Variants in TOM1L1 observed in about 807,000 individuals in gnomAD.
TOM1L1 encodes the protein TOM1-like protein 1.
Under a neutral mutation model 63.4 loss-of-function variants are expected in TOM1L1, and 64 were observed. The observed-to-expected ratio is 1.01, with a 90% CI of 0.83 to 1.24. The LOEUF is 1.24. TOM1L1 is among the 50% of genes most tolerant of loss of function. TOM1L1 has a pLI of 0.00. For missense variants in TOM1L1, 536 were observed against 567.0 expected (o/e 0.95, Z 0.55); for synonymous variants, 166 against 194.4 (o/e 0.85, Z 1.22).
chr17:54,905,368 C>A, intron 2 of TOM1L1, 121 bp from the exon 3 acceptor site: 1 of 671,832 alleles, frequency 1.5e-6, no homozygotes. Flanking sequence ...CACAGTAGAA[C>A]CAAGGCCTTA....
chr17:54,959,121 G>C, intron 14 of TOM1L1: 1 of 152,182 alleles, frequency 6.6e-6, no homozygotes, highest in East Asian at 1.9e-4. Flanking sequence ...AAATCGTTTT[G>C]AGGGAGATGA....
chr17:54,918,316 T>C (rs2143799207), intron 7 of TOM1L1, among the ~76,000 whole-genome samples: 1 of 152,258 alleles, frequency 6.6e-6, no homozygotes, highest in Non-Finnish European at 1.5e-5. Context: ...AGAGGTCATT[T>C]CTCCTATATC....
intron 14 of TOM1L1, chr17:54,955,201 G>A (rs2049434908): frequency 6.6e-6 from 1 of 152,152 alleles, no homozygotes; most frequent in African/African-American, 2.4e-5. Context: ...AGAGGTCCTG[G>A]GAAGCTGAGA....
At chr17:54,943,558 AATAT>A (rs1247167053) in intron 11 of TOM1L1, among the ~76,000 whole-genome samples, 2 of 150,880 alleles carry the variant, frequency 1.3e-5, no homozygotes, top group African/African-American at 4.9e-5. Flanking sequence ...TTGTTAGCAA[AATAT>A]ATATATGTAT....
At chr17:54,926,246 A>G (rs191108039) in intron 7 of TOM1L1, among the ~76,000 whole-genome samples, 12 of 152,264 alleles carry the variant, frequency 7.9e-5, no homozygotes, top group Admixed American at 7.8e-4. Flanking sequence ...GATTTTCTTT[A>G]GTTTTCTGAA....
Position 54,915,747 on chromosome 17 carries a change from T to C in TOM1L1, c.605T>C (p.Ile202Thr), listed in dbSNP as rs973326878. 6 of 1,603,842 alleles carry C rather than the reference T, an allele frequency of 3.7e-6. No individual in the cohort carries two copies. The highest frequency in any genetic ancestry group is 2.3e-5 in the East Asian group (1 of 44,384). ...TGGTGATTGTGTTGCTCTCTACAGA[T>C]TGGAAAACTGCACAGTGAATTGGAT... The part of the protein sequence containing the change: ...NSTVTLVPEQ[I>T]GKLHSELDMV... The change falls in exon 7 of 16, where the codon ATT becomes ACT. Residue 202 changes from isoleucine (I) to threonine (T), a missense_variant and splice_region_variant. Ile to Thr is a moderately conservative substitution (Grantham distance 89). Transcript: ENST00000575882.
chr17:54,960,518 A>G (rs2144109004), intron 14 of TOM1L1, 48 bp from the exon 15 acceptor site: 2 of 1,489,580 alleles, frequency 1.3e-6, no homozygotes, highest in Middle Eastern at 4.2e-4. Flanking sequence ...CCAAAATAGC[A>G]CTTTGAAATT....
Position 54,914,659 on chromosome 17 carries a change from T to C in TOM1L1, c.519T>C (p.Asn173=). 2.5e-6 allele frequency: 4 copies of C among 1,613,752 alleles called. No individual in the cohort carries two copies. Among genetic ancestry groups the C allele is most frequent in the Non-Finnish European group, 3.4e-6 (4 of 1,179,740 alleles). Residue 173 remains asparagine, a synonymous_variant, in exon 6 of 16, where the codon AAT becomes AAC. Transcript: ENST00000575882. ...ARQETAQISS[N]PPTSVPTAPA... is the part of the protein sequence containing the mutation. ...CATAGACTGCTCAAATCTCATCAAATCCTCCAACATCTGTCCCTACTGCAC... is the reference window on the plus strand; with the variant it reads ...CATAGACTGCTCAAATCTCATCAAACCCTCCAACATCTGTCCCTACTGCAC...
intron 11 of TOM1L1, among the ~76,000 whole-genome samples, chr17:54,945,227 C>T (rs1186609458): frequency 2.0e-5 from 3 of 152,144 alleles, no homozygotes; most frequent in African/African-American, 7.2e-5. Flanking sequence ...ATTTATGGCC[C>T]ACCCAGATAA....
In TOM1L1 at chr17:54,901,872, A is replaced by G. The variant is rs184789693; in HGVS notation, c.58+949A>G. On this transcript the variant is annotated intron_variant, in intron 1 of 15. Transcript: ENST00000575882. ...TTATAAGATGGTCAGAGTAGCTACC[A>G]TTGAGGAGATGCTTTCCCTTAATGG... 4.6e-5 allele frequency among the ~76,000 whole-genome samples: 7 copies of G among 152,230 alleles called. No individual in the cohort carries two copies. In the East Asian group the frequency reaches 1.4e-3, roughly 30 times the overall value.
At chr17:54,919,233 G>A (rs1184183044) in intron 7 of TOM1L1, among the ~76,000 whole-genome samples, 1 of 152,146 alleles carries the variant, frequency 6.6e-6, no homozygotes, top group Non-Finnish European at 1.5e-5. Flanking sequence ...ATGTTAACAC[G>A]TGTGTTAAAC....
At chr17:54,908,606 G>A (rs1216702596) in intron 3 of TOM1L1, among the ~76,000 whole-genome samples, 2 of 152,132 alleles carry the variant, frequency 1.3e-5, no homozygotes, top group African/African-American at 2.4e-5. Flanking sequence ...CTCCGTGGAC[G>A]TGTTAGCCTT....
At chr17:54,946,304 G>A (rs186875095) in intron 11 of TOM1L1, among the ~76,000 whole-genome samples, 79 of 152,210 alleles carry the variant, frequency 5.2e-4, no homozygotes, top group Non-Finnish European at 8.5e-4. Flanking sequence ...CTCCATCATC[G>A]TGATTTATCT....
intron 3 of TOM1L1, among the ~76,000 whole-genome samples, chr17:54,907,204 A>G (rs2048426794): frequency 6.7e-6 from 1 of 149,008 alleles, no homozygotes; most frequent in Non-Finnish European, 1.5e-5. Context: ...TGAAGGTCAC[A>G]GAATGGAGAA....
rs35210443 is a variant in TOM1L1 at position 54,924,283 on chromosome 17, C to CTTT, written c.721-5778_721-5776dup. 5.3e-3 allele frequency among the ~76,000 whole-genome samples: 734 copies of CTTT among 137,522 alleles called. 10 individuals carry two copies. Among genetic ancestry groups the CTTT allele is most frequent in the African/African-American group, 0.019 (698 of 36,722 alleles). 90.2% of individuals were successfully genotyped at this position (137,522 alleles called of 152,430 possible). A position where few individuals can be genotyped will look rare whatever the true frequency, so the allele number is the denominator to read the frequency against. On this transcript the variant is annotated intron_variant, in intron 7 of 15. Coordinates refer to ENST00000575882, the MANE Select transcript of TOM1L1 (RefSeq NM_005486.3). ...TTCTTTTTCTTTTCTTTTCTTTTTT[C>CTTT]TTTTTTTTTTTTTTGAGATAGAGTC...
At chr17:54,944,285 C>CA (rs2049081335) in intron 11 of TOM1L1, among the ~76,000 whole-genome samples, 1 of 150,720 alleles carries the variant, frequency 6.6e-6, no homozygotes. Context: ...CCATCTCTAC[C>CA]AAAAAATAGA....
intron 14 of TOM1L1, chr17:54,958,103 G>A (rs1422986561): frequency 6.6e-6 from 1 of 151,836 alleles, no homozygotes; most frequent in Non-Finnish European, 1.5e-5. Flanking sequence ...AAGACCCAGA[G>A]GACAGAGCTC....
At chr17:54,915,660 A>G in intron 6 of TOM1L1, 86 bp from the exon 7 acceptor site, 1 of 904,834 alleles carries the variant, frequency 1.1e-6, no homozygotes, top group South Asian at 3.0e-5. Flanking sequence ...GCATTTTTTC[A>G]TCCAGCAAAT....
chr17:54,901,628 T>G (rs1803998760), intron 1 of TOM1L1, among the ~76,000 whole-genome samples: 1 of 152,134 alleles, frequency 6.6e-6, no homozygotes, highest in Non-Finnish European at 1.5e-5. Flanking sequence ...TCACTGCTCC[T>G]TCTTTTCCCT....
Sources: gnomAD v4.1 joint callset for allele counts (sites outside exome capture counted in the v4.1 genomes callset) on GRCh38, gnomAD v4.1.1 for gene constraint, MANE v1.5 for transcripts, NCBI Gene and HGNC (gene_info 2026-07-23, HGNC 2026-07-21) for gene names.